The following NKAIN3 variants were observed in gnomAD, a reference collection of about 807,000 sequenced individuals.
NKAIN3 encodes the protein sodium/potassium-transporting ATPase subunit beta-1-interacting protein 3.
In NKAIN3, 25 loss-of-function variants were observed where a neutral mutation model predicts 30.2. The ratio of observed to expected loss-of-function variants is 0.83; its 90% CI spans 0.60 to 1.16. The LOEUF is 1.16. Among genes scored for constraint, NKAIN3 ranks in the 50% most tolerant of loss-of-function variants. The probability of loss-of-function intolerance (pLI) is 0.00; values close to 1 mark genes in which losing one functional copy is unlikely to be tolerated. For missense variants in NKAIN3, 225 were observed against 254.1 expected, an observed-to-expected ratio of 0.89 and a Z score of 0.78; for synonymous variants, 91 against 89.6, an observed-to-expected ratio of 1.02 and a Z score of -0.09.
At chr8:62,823,956 A>G (rs1014469255) in intron 4 of NKAIN3, among the ~76,000 whole-genome samples, 1 of 152,192 alleles carries the variant, frequency 6.6e-6, no homozygotes. Flanking sequence ...ATGTGCTTGC[A>G]TGAATGAACA....
intron 1 of NKAIN3, among the ~76,000 whole-genome samples, chr8:62,569,754 C>A (rs1809872512): frequency 6.7e-6 from 1 of 149,032 alleles, no homozygotes; most frequent in Admixed American, 6.7e-5. Flanking sequence ...CCAGTCTGGG[C>A]AGTAGAGTGA....
At chr8:62,885,123 C>T (rs1466512139) in intron 4 of NKAIN3, among the ~76,000 whole-genome samples, 3 of 152,142 alleles carry the variant, frequency 2.0e-5, no homozygotes, top group Admixed American at 1.3e-4. Flanking sequence ...GTATTCAATG[C>T]TATACAGTTC....
At chr8:62,602,809 A>T (rs572320614) in intron 3 of NKAIN3, among the ~76,000 whole-genome samples, 2 of 152,226 alleles carry the variant, frequency 1.3e-5, no homozygotes, top group East Asian at 3.9e-4. Context: ...AAACATGGCA[A>T]ATTCTTCCAC....
intron 1 of NKAIN3, among the ~76,000 whole-genome samples, chr8:62,333,102 A>G (rs939149845): frequency 3.9e-5 from 6 of 152,136 alleles, no homozygotes; most frequent in African/African-American, 1.4e-4. Context: ...TTGATTTTCC[A>G]TTACACAAGT....
intron 3 of NKAIN3, among the ~76,000 whole-genome samples, chr8:62,594,590 T>C (rs1810764151): frequency 6.6e-6 from 1 of 152,080 alleles, no homozygotes; most frequent in South Asian, 2.1e-4. Context: ...AAATGAGCTC[T>C]CTGTCCTGCA....
intron 1 of NKAIN3, among the ~76,000 whole-genome samples, chr8:62,408,003 G>A (rs372907017): frequency 6.6e-6 from 1 of 152,282 alleles, no homozygotes; most frequent in East Asian, 1.9e-4. Context: ...AGCACTCTAC[G>A]CTGGGTAACA....
At chr8:62,291,163 A>G (rs1464635046) in intron 1 of NKAIN3, among the ~76,000 whole-genome samples, 1 of 151,900 alleles carries the variant, frequency 6.6e-6, no homozygotes, top group Non-Finnish European at 1.5e-5. Context: ...CAGTCCATCA[A>G]TTTTGTTGAT....
intron 1 of NKAIN3, among the ~76,000 whole-genome samples, chr8:62,371,143 G>A (rs2129593256): frequency 6.6e-6 from 1 of 151,882 alleles, no homozygotes; most frequent in East Asian, 1.9e-4. Flanking sequence ...CCTGTTTTCT[G>A]TTTAATACCC....
At chr8:62,570,285 T>C (rs988109877) in intron 1 of NKAIN3, among the ~76,000 whole-genome samples, 83 of 152,228 alleles carry the variant, frequency 5.5e-4, no homozygotes, top group Non-Finnish European at 8.2e-4. Flanking sequence ...TCTTTAGTTT[T>C]ATGTGTAAAT....
intron 4 of NKAIN3, among the ~76,000 whole-genome samples, chr8:62,770,773 T>G (rs1586179005): frequency 6.8e-6 from 1 of 147,804 alleles, no homozygotes; most frequent in African/African-American, 2.5e-5. Flanking sequence ...AAAATAAAAA[T>G]AAAAGCAGAA....
At chr8:62,782,773 G>A (rs1461648206) in intron 4 of NKAIN3, among the ~76,000 whole-genome samples, 1 of 148,972 alleles carries the variant, frequency 6.7e-6, no homozygotes, top group South Asian at 2.2e-4. Flanking sequence ...TGATACATAC[G>A]AGATAATGGA....
intron 1 of NKAIN3, among the ~76,000 whole-genome samples, chr8:62,360,585 A>G (rs998657322): frequency 2.0e-5 from 3 of 152,162 alleles, no homozygotes; most frequent in South Asian, 4.1e-4. Context: ...GATGATTACT[A>G]CTATTATTCT....
At chr8:62,368,844 G>A (rs979433793) in intron 1 of NKAIN3, among the ~76,000 whole-genome samples, 1 of 149,712 alleles carries the variant, frequency 6.7e-6, no homozygotes, top group Admixed American at 6.7e-5. Context: ...TAACTTCCCT[G>A]AATATGCACG....
chr8:62,372,560 A>G (rs1247285474), intron 1 of NKAIN3, among the ~76,000 whole-genome samples: 3 of 152,058 alleles, frequency 2.0e-5, no homozygotes, highest in Non-Finnish European at 2.9e-5. Context: ...GTCATAATTA[A>G]GTAGTTGAAA....
rs1213933764 is a variant in NKAIN3, at chr8:62,656,983, T to TG, written c.273+67189_273+67190insG. Among the ~76,000 whole-genome samples, 4 of 152,224 alleles carry TG rather than the reference T, an allele frequency of 2.6e-5. No individual in the cohort carries two copies. In the East Asian group the frequency reaches 7.7e-4, roughly 29 times the overall value. ...TTTCAACAAAAGGGTATTCTTTGTGTTTTCTAAGCTAAAACATTAGAAACG... is the reference window on the plus strand; with the variant it reads ...TTTCAACAAAAGGGTATTCTTTGTGTGTTTCTAAGCTAAAACATTAGAAACG... On this transcript the variant is annotated intron_variant, in intron 3 of 6. Transcript: ENST00000623646.
At chr8:62,356,210 A>T (rs896818383) in intron 1 of NKAIN3, among the ~76,000 whole-genome samples, 1 of 152,208 alleles carries the variant, frequency 6.6e-6, no homozygotes, top group Non-Finnish European at 1.5e-5. Context: ...ACTTGAATAT[A>T]GAAAAATTCC....
intron 1 of NKAIN3, among the ~76,000 whole-genome samples, chr8:62,472,473 A>G (rs1806383377): frequency 6.6e-6 from 1 of 152,200 alleles, no homozygotes; most frequent in African/African-American, 2.4e-5. Context: ...AAATGAAATA[A>G]CATATGAAAG....
intron 1 of NKAIN3, among the ~76,000 whole-genome samples, chr8:62,352,980 G>A (rs1441784787): frequency 6.6e-6 from 1 of 152,174 alleles, no homozygotes; most frequent in African/African-American, 2.4e-5. Flanking sequence ...AAGAACAAGA[G>A]TCCATCTGCC....
At chr8:62,314,721 G>GC (rs1814555950) in intron 1 of NKAIN3, among the ~76,000 whole-genome samples, 1 of 152,164 alleles carries the variant, frequency 6.6e-6, no homozygotes, top group South Asian at 2.1e-4. Context: ...CATTTGAGAT[G>GC]CCCTTGTGGT....
Sources: allele counts gnomAD v4.1 joint callset (sites outside exome capture counted in the v4.1 genomes callset), GRCh38; gene constraint gnomAD v4.1.1; transcripts MANE v1.5; gene names NCBI Gene and HGNC (gene_info 2026-07-23, HGNC 2026-07-21).